Variants in AKAP12 observed in about 807,000 individuals in gnomAD.
AKAP12 encodes the protein A-kinase anchor protein 12.
A neutral mutation model predicts 79.9 loss-of-function variants in AKAP12; 32 were observed. The ratio of observed to expected loss-of-function variants is 0.40; its 90% confidence interval spans 0.30 to 0.54. AKAP12 has a LOEUF of 0.54. AKAP12 is among the 20% of genes least tolerant of loss of function. The pLI is 0.48. For synonymous variants in AKAP12, 808 were observed against 857.0 expected (o/e 0.94, Z 1.00); for missense variants, 2,074 against 2,177.0 (o/e 0.95, Z 0.94).
chr6:151,276,926 G>A (rs956879295), intron 2 of AKAP12, among the ~76,000 whole-genome samples: 1 of 152,120 alleles, frequency 6.6e-6, no homozygotes, highest in Non-Finnish European at 1.5e-5. Context: ...GTTTTTCTTG[G>A]CAGTTTGAGG....
At chr6:151,313,284 T>C (rs1397157925) in intron 3 of AKAP12, among the ~76,000 whole-genome samples, 1 of 152,128 alleles carries the variant, frequency 6.6e-6, no homozygotes, top group Admixed American at 6.5e-5. Flanking sequence ...AAGTGCCCAA[T>C]AGATAAAGAG....
rs145053659 is a variant in AKAP12 at position 151,350,736 on chromosome 6, A to C, written c.2345A>C (p.Asp782Ala). 27 of 1,613,562 alleles carry C rather than the reference A, an allele frequency of 1.7e-5. No individual in the cohort carries two copies. The African/African-American group carries it at 2.9e-4, about 18-fold the overall frequency. ...TCCAAGCTGGAAGAGAAAAGCGAAG[A>C]CTCCATAGCTGGGTCTGGTGTAGAA... ...SKSKLEEKSE[D>A]SIAGSGVEHS... Residue 782 changes from aspartate to alanine, a missense_variant, in exon 4 of 5, where the codon GAC becomes GCC. Physicochemically the swap from Asp to Ala is moderately radical, Grantham distance 126 (BLOSUM62 -2). This residue lies in a region of AKAP12 where 1,428 missense variants were observed against 1,451.0 expected (regional missense o/e 0.98). Transcript: ENST00000402676. This position sits in a 1 kb window ranked among gnomAD's most constrained non-coding sequence, Gnocchi z 4.8.
chr6:151,286,797 G>T (rs1776513135), intron 2 of AKAP12, among the ~76,000 whole-genome samples: 2 of 152,206 alleles, frequency 1.3e-5, no homozygotes, highest in South Asian at 4.1e-4. Context: ...AGTCAGAGAA[G>T]GTTAGAGCTC....
intron 2 of AKAP12, among the ~76,000 whole-genome samples, chr6:151,281,675 T>C (rs564507847): frequency 6.6e-6 from 1 of 152,288 alleles, no homozygotes; most frequent in Admixed American, 6.5e-5. Context: ...GGCTTCATTC[T>C]TTTCTCCACA....
intron 3 of AKAP12, among the ~76,000 whole-genome samples, chr6:151,339,725 CT>C (rs1312060712): frequency 6.6e-6 from 1 of 151,994 alleles, no homozygotes; most frequent in African/African-American, 2.4e-5. Context: ...TAAAAATCAT[CT>C]GTGCTTCATG....
At chr6:151,322,401 A>G (rs954439446) in intron 3 of AKAP12, among the ~76,000 whole-genome samples, 4 of 152,146 alleles carry the variant, frequency 2.6e-5, no homozygotes, top group African/African-American at 7.2e-5. Context: ...AGTCTTTAAC[A>G]TGTCATTCAA....
In AKAP12 at chr6:151,348,743, A is replaced by G. The variant is rs1199870904; in HGVS notation, c.352A>G (p.Arg118Gly). The G allele has an allele frequency of 1.4e-6, 2 of 1,416,452 alleles. No individual in the cohort carries two copies. Among genetic ancestry groups the G allele is most frequent in the Admixed American group, 1.9e-5 (1 of 51,408 alleles). 87.7% of individuals were successfully genotyped at this position (1,416,452 alleles called of 1,614,324 possible). ...GAGAGACTCTGAAGATGTGAGCAAA[A>G]GAGACTCCGATAAAGAGATGGCTAC... ...GQRDSEDVSK[R>G]DSDKEMATKS... is the part of the protein sequence containing the mutation. The change falls in exon 4 of 5, where the codon AGA (arginine) becomes GGA (glycine). Residue 118 changes from arginine to glycine, a missense_variant. By Grantham distance (125) the Arg-to-Gly change is moderately radical (BLOSUM62 -2). Coordinates refer to ENST00000402676, the MANE Select transcript of AKAP12 (RefSeq NM_005100.4).
chr6:151,341,748 G>T, intron 3 of AKAP12: 1 of 1,282,516 alleles, frequency 7.8e-7, no homozygotes, highest in Non-Finnish European at 1.0e-6. Context: ...ACGGAATCCC[G>T]AGGGCCACCA....
intron 2 of AKAP12, among the ~76,000 whole-genome samples, chr6:151,244,678 C>G (rs1452084735): frequency 6.6e-6 from 1 of 152,082 alleles, no homozygotes; most frequent in East Asian, 1.9e-4. Flanking sequence ...ACCAGTGTTA[C>G]AAAAATGGGC....
At chr6:151,269,224 G>T (rs915981059) in intron 2 of AKAP12, among the ~76,000 whole-genome samples, 6 of 151,748 alleles carry the variant, frequency 4.0e-5, no homozygotes, top group African/African-American at 1.5e-4. Context: ...CATTAGTAAC[G>T]GTCCCATTCA....
At chr6:151,293,626 T>C (rs9322312) in intron 2 of AKAP12, among the ~76,000 whole-genome samples, 12,644 of 152,200 alleles carry the variant, frequency 0.083, 699 homozygotes, top group African/African-American at 0.14. Context: ...CTGTGCTCTG[T>C]AACTTGACAT....
chr6:151,287,296 G>A (rs948810346), intron 2 of AKAP12, among the ~76,000 whole-genome samples: 2 of 151,882 alleles, frequency 1.3e-5, no homozygotes, highest in Admixed American at 1.3e-4. Flanking sequence ...GTGTTGCTCT[G>A]TTGCCCAGGC....
At chr6:151,249,190 G>A (rs1036495351) in intron 2 of AKAP12, among the ~76,000 whole-genome samples, 1 of 152,084 alleles carries the variant, frequency 6.6e-6, no homozygotes, top group South Asian at 2.1e-4. Context: ...TAAGTAGACA[G>A]TAGCTAAGGG....
intron 3 of AKAP12, among the ~76,000 whole-genome samples, chr6:151,316,613 T>C (rs1340088630): frequency 1.3e-5 from 2 of 152,144 alleles, no homozygotes; most frequent in Non-Finnish European, 2.9e-5. Context: ...CCTGGTCTCT[T>C]GGTGTGTCCA....
chr6:151,304,450 C>G (rs1776929645), intron 2 of AKAP12, among the ~76,000 whole-genome samples: 1 of 122,054 alleles, frequency 8.2e-6, no homozygotes, highest in Non-Finnish European at 1.6e-5. Context: ...GATCACGCCA[C>G]TGCACTTCAG....
intron 3 of AKAP12, 31 bp from the exon 4 acceptor site, chr6:151,348,680 T>TTCCCCCC: frequency 2.8e-6 from 1 of 355,202 alleles, no homozygotes; most frequent in Non-Finnish European, 5.5e-6. Flanking sequence ...TTTTCTCTTC[T>TTCCCCCC]CCCCACCCCC....
At chr6:151,355,288 C>T (rs1778414393) in intron 4 of AKAP12, among the ~76,000 whole-genome samples, 1 of 151,684 alleles carries the variant, frequency 6.6e-6, no homozygotes, top group African/African-American at 2.4e-5. Context: ...CGCACCCAGC[C>T]CTATCTTTGT....
chr6:151,300,478 G>T (rs1776842648), intron 2 of AKAP12, among the ~76,000 whole-genome samples: 1 of 152,112 alleles, frequency 6.6e-6, no homozygotes, highest in Non-Finnish European at 1.5e-5. Context: ...TCTGCCCCTG[G>T]CATCCTGACA....
intron 2 of AKAP12, among the ~76,000 whole-genome samples, chr6:151,253,025 A>G (rs929685109): frequency 6.6e-6 from 1 of 152,102 alleles, no homozygotes; most frequent in African/African-American, 2.4e-5. Context: ...AAAACAATTT[A>G]TGATTTATTT....
Sources: gnomAD v4.1 joint callset for allele counts (sites outside exome capture counted in the v4.1 genomes callset) on GRCh38, gnomAD v4.1.1 for gene constraint, gnomAD v4.1.1 regional missense constraint, Gnocchi (gnomAD v3.1) non-coding constraint, MANE v1.5 for transcripts, NCBI Gene and HGNC (gene_info 2026-07-23, HGNC 2026-07-21) for gene names.